Variants in LMNA observed in about 807,000 individuals in gnomAD.
The protein encoded by LMNA is lamin A/C, also known as lamin.
LMNA carries 20 observed loss-of-function variants against 70.4 expected under a neutral mutation model. The ratio of observed to expected loss-of-function variants is 0.28; its 90% CI spans 0.20 to 0.41. The LOEUF is 0.41. Among genes scored for constraint, LMNA ranks in the 10% least tolerant of loss-of-function variants. LMNA has a pLI of 1.00. For missense variants in LMNA, 652 were observed against 917.2 expected, an observed-to-expected ratio of 0.71 and a Z score of 3.73; for synonymous variants, 339 against 372.8, an observed-to-expected ratio of 0.91 and a Z score of 1.04.
At chr1:156,091,373 C>T (rs1194543307) in intron 3 of LMNA, among the ~76,000 whole-genome samples, 3 of 152,170 alleles carry the variant, frequency 2.0e-5, no homozygotes, top group South Asian at 2.1e-4. Context: ...GAGGCCGAGG[C>T]GGGCAGATCA....
chr1:156,086,138 G>T (rs1012381309), intron 2 of LMNA, among the ~76,000 whole-genome samples: 1 of 152,222 alleles, frequency 6.6e-6, no homozygotes, highest in South Asian at 2.1e-4. Flanking sequence ...GGCCCTGGTT[G>T]TTCTCCCCTT....
At chr1:156,112,225 G>A (rs768427507), upstream of LMNA, among the ~76,000 whole-genome samples, 15 of 152,160 alleles carry the variant, frequency 9.9e-5, no homozygotes, top group Non-Finnish European at 2.1e-4. Flanking sequence ...GACCAAATTG[G>A]GCAACATAGC....
rs895734742 is a variant in LMNA, at chr1:156,114,893, CG to C, written c.-23del. 6.7e-7 allele frequency: 1 copy of C among 1,487,858 alleles called. No homozygotes were observed. Among genetic ancestry groups the C allele is most frequent in the Admixed American group, 2.1e-5 (1 of 47,022 alleles). The allele number at this position is 1,487,858 out of a possible 1,614,324, so 92.2% of individuals were successfully genotyped here. A position where few individuals can be genotyped will look rare whatever the true frequency, so the allele number is the denominator to read the frequency against. On this transcript the variant is annotated 5_prime_UTR_variant, in exon 1 of 12. Transcript: ENST00000368300. Reference sequence around the variant, plus strand: ...CGCCCTTTCCGGGACCCCTGCCCCGCGGGCAGCGCTGCCAACCTGCCGGCCA... The same window carrying C: ...CGCCCTTTCCGGGACCCCTGCCCCGCGGCAGCGCTGCCAACCTGCCGGCCA...
intron 3 of LMNA, among the ~76,000 whole-genome samples, chr1:156,104,165 C>T (rs1649238722): frequency 6.6e-6 from 1 of 152,204 alleles, no homozygotes; most frequent in Non-Finnish European, 1.5e-5. Context: ...GCGTGTTGGG[C>T]GGCAGGGGTC....
intron 1 of LMNA, 140 bp from the exon 2 acceptor site, chr1:156,130,477 C>A: frequency 2.1e-6 from 2 of 952,206 alleles, no homozygotes; most frequent in South Asian, 1.3e-5. Flanking sequence ...CAGATGCAAA[C>A]CAACCTAATG....
At chr1:156,129,511 G>C (rs1650866920) in intron 1 of LMNA, among the ~76,000 whole-genome samples, 2 of 152,110 alleles carry the variant, frequency 1.3e-5, no homozygotes, top group South Asian at 4.1e-4. Context: ...CCCACGCTTG[G>C]TTTTCCTTTT....
Position 156,137,157 on chromosome 1 carries a change from C to T in LMNA, c.1533C>T (p.Asp511=). The change falls in exon 9 of 12, where the codon GAC becomes GAT. Residue 511 remains aspartate, a synonymous_variant. Transcript: ENST00000368300. This position sits in a 1 kb window ranked among gnomAD's most constrained non-coding sequence, Gnocchi z 4.6. ...GGGCCACCCACAGCCCCCCTACCGA[C>T]CTGGTGTGGAAGGCACAGAACACCT... ...GAGATHSPPT[D]LVWKAQNTWG... 1 of 1,612,834 alleles carries T rather than the reference C, an allele frequency of 6.2e-7. No individual in the cohort carries two copies. Among genetic ancestry groups the T allele is most frequent in the Non-Finnish European group, 8.5e-7 (1 of 1,179,558 alleles).
At position 156,138,412 on chromosome 1, in the gene LMNA, G is replaced by A. The variant is rs1203455431; in HGVS notation, c.1699-76G>A. The A allele has an allele frequency of 2.0e-5, 30 of 1,516,094 alleles. No individual in the cohort carries two copies. Among genetic ancestry groups the A allele is most frequent in the South Asian group, 1.5e-4 (13 of 84,018 alleles). The allele number at this position is 1,516,094 out of a possible 1,614,324, so 93.9% of individuals were successfully genotyped here. ...CTGCCTGGCGGCTGGGAGCCTGCAG[G>A]AGCCTGGAGCCTGGTTGGGCCTGAG... On this transcript the variant is annotated intron_variant, in intron 10 of 11. Coordinates refer to ENST00000368300, the MANE Select transcript of LMNA (RefSeq NM_170707.4). This position sits in a 1 kb window ranked among gnomAD's most constrained non-coding sequence, Gnocchi z 5.5.
upstream of LMNA, among the ~76,000 whole-genome samples, chr1:156,110,102 G>A (rs893737796): frequency 1.3e-5 from 2 of 151,860 alleles, no homozygotes; most frequent in Non-Finnish European, 2.9e-5. Context: ...TGCCTGTCTC[G>A]GACTCCCCAA....
chr1:156,118,219 C>A (rs1041500836), intron 1 of LMNA, among the ~76,000 whole-genome samples: 36 of 152,148 alleles, frequency 2.4e-4, no homozygotes, highest in African/African-American at 8.4e-4. Flanking sequence ...TCGTTGCATT[C>A]TAAACTAGTC....
At chr1:156,108,692 G>A (rs139934985) in intron 3 of LMNA, among the ~76,000 whole-genome samples, 305 of 152,208 alleles carry the variant, frequency 2.0e-3, no homozygotes, top group African/African-American at 7.3e-3. Context: ...CTTGAATTCA[G>A]GAGGTGCAGG....
At chr1:156,126,162 G>A (rs573448332) in intron 1 of LMNA, 19 of 1,521,464 alleles carry the variant, frequency 1.2e-5, no homozygotes, top group Non-Finnish European at 1.3e-5. Context: ...GGGGCTGGGA[G>A]ACCCTCTGCT....
At chr1:156,118,386 G>C (rs952933864) in intron 1 of LMNA, among the ~76,000 whole-genome samples, 2 of 152,200 alleles carry the variant, frequency 1.3e-5, no homozygotes, top group African/African-American at 4.8e-5. Flanking sequence ...CAGCTGTCCA[G>C]GCCTGGGACA....
chr1:156,119,497 A>G (rs1002047995), intron 1 of LMNA, among the ~76,000 whole-genome samples: 3 of 152,054 alleles, frequency 2.0e-5, no homozygotes, highest in African/African-American at 7.2e-5. Context: ...CAAGTAATCC[A>G]CCTGCCTTGG....
Position 156,135,023 on chromosome 1 carries a change from C to T in LMNA, c.810+48C>T. The T allele has an allele frequency of 6.2e-7, 1 of 1,612,778 alleles. No homozygotes were observed. Among genetic ancestry groups the T allele is most frequent in the South Asian group, 1.1e-5 (1 of 90,940 alleles). On this transcript the variant is annotated intron_variant, in intron 4 of 11. Coordinates refer to ENST00000368300, the MANE Select transcript of LMNA (RefSeq NM_170707.4). The surrounding 1 kb of genome is among the most constrained non-coding windows in gnomAD (Gnocchi z 4.8). Reference sequence around the variant, plus strand: ...CTCACTGCCTCTGCCCTTGGCAGCCCTACCCTTACCCACGCTGGGCTATGC... The same window carrying T: ...CTCACTGCCTCTGCCCTTGGCAGCCTTACCCTTACCCACGCTGGGCTATGC...
intron 1 of LMNA, chr1:156,129,986 A>G: frequency 1.5e-6 from 1 of 680,542 alleles, no homozygotes; most frequent in East Asian, 2.7e-5. Flanking sequence ...AGTGCAGATC[A>G]GGGCACCCAG....
chr1:156,092,433 C>T (rs1428507207), intron 3 of LMNA, among the ~76,000 whole-genome samples: 1 of 150,838 alleles, frequency 6.6e-6, no homozygotes, highest in Non-Finnish European at 1.5e-5. Context: ...AATCCAAGCA[C>T]TTTGGGAGGC....
In LMNA at chr1:156,139,681, C is replaced by A. The variant is rs1044832452; in HGVS notation, c.*575C>A. On this transcript the variant is annotated 3_prime_UTR_variant, in exon 12 of 12. Transcript: ENST00000368300. ...CTGGCTGAGGTTCCTCTGCCTGCCCCGCCCCCAGTCCCCACCCCTGCCCCC... is the reference window on the plus strand; with the variant it reads ...CTGGCTGAGGTTCCTCTGCCTGCCCAGCCCCCAGTCCCCACCCCTGCCCCC... The A allele has an allele frequency of 8.6e-6, 13 of 1,515,190 alleles. No homozygotes were observed. The highest frequency in any genetic ancestry group is 5.0e-5 in the East Asian group (2 of 40,048). 93.9% of individuals were successfully genotyped at this position (1,515,190 alleles called of 1,614,324 possible).
chr1:156,123,199 T>C (rs1422323787), intron 1 of LMNA: 1 of 152,086 alleles, frequency 6.6e-6, no homozygotes, highest in African/African-American at 2.4e-5. Context: ...GACACATGAG[T>C]TCCTTTAGGT....
Sources: gnomAD v4.1 joint callset for allele counts (sites outside exome capture counted in the v4.1 genomes callset) on GRCh38, gnomAD v4.1.1 for gene constraint, Gnocchi (gnomAD v3.1) non-coding constraint, MANE v1.5 for transcripts, NCBI Gene and HGNC (gene_info 2026-07-23, HGNC 2026-07-21) for gene names.